The following AGBL4 variants were observed in gnomAD, a reference collection of about 807,000 sequenced individuals.
The protein encoded by AGBL4 is cytosolic carboxypeptidase 6.
Under a neutral mutation model 66.4 loss-of-function variants are expected in AGBL4, and 58 were observed. That is an observed-to-expected ratio of 0.87 (90% CI 0.71 to 1.09). The LOEUF (loss-of-function observed/expected upper bound fraction) is 1.09, where lower values mean the gene tolerates loss of function less well. Ranked by LOEUF, AGBL4 falls within the 50% of genes least tolerant of loss-of-function variation. The probability of loss-of-function intolerance (pLI) is 0.00; values close to 1 mark genes in which losing one functional copy is unlikely to be tolerated. For missense variants in AGBL4, 579 were observed against 631.0 expected, an observed-to-expected ratio of 0.92 and a Z score of 0.88; for synonymous variants, 234 against 222.9, an observed-to-expected ratio of 1.05 and a Z score of -0.44.
chr1:49,851,087 T>C (rs1557512492), intron 2 of AGBL4, among the ~76,000 whole-genome samples: 1 of 152,142 alleles, frequency 6.6e-6, no homozygotes, highest in African/African-American at 2.4e-5. Flanking sequence ...TAAATCGTAA[T>C]TGATAATACA....
intron 1 of AGBL4, among the ~76,000 whole-genome samples, chr1:49,879,434 G>A (rs1358085015): frequency 6.7e-6 from 1 of 148,162 alleles, no homozygotes; most frequent in Non-Finnish European, 1.5e-5. Flanking sequence ...TAGTTTGGCT[G>A]GATATGAAAT....
At chr1:48,605,203 T>C (rs960086976) in intron 9 of AGBL4, among the ~76,000 whole-genome samples, 1 of 152,236 alleles carries the variant, frequency 6.6e-6, no homozygotes, top group Admixed American at 6.5e-5. Context: ...TTGATTCCTT[T>C]ATCTTTGGGT....
At chr1:49,674,765 G>A (rs1427684014) in intron 3 of AGBL4, among the ~76,000 whole-genome samples, 1 of 151,990 alleles carries the variant, frequency 6.6e-6, no homozygotes, top group Non-Finnish European at 1.5e-5. Context: ...GTCTTTGAGA[G>A]ATAGAGAGGT....
chr1:48,887,547 C>A (rs1367082596), intron 5 of AGBL4, among the ~76,000 whole-genome samples: 2 of 152,154 alleles, frequency 1.3e-5, no homozygotes, highest in Non-Finnish European at 2.9e-5. Flanking sequence ...GCATTATAAA[C>A]CCCCTTTTAT....
chr1:49,675,662 T>C (rs184481568), intron 3 of AGBL4, among the ~76,000 whole-genome samples: 27 of 152,194 alleles, frequency 1.8e-4, no homozygotes, highest in African/African-American at 5.5e-4. Flanking sequence ...AAAGCCATCT[T>C]AGTTGCCTTG....
chr1:49,717,633 A>G (rs997575858), intron 2 of AGBL4, among the ~76,000 whole-genome samples: 8 of 152,052 alleles, frequency 5.3e-5, no homozygotes, highest in Admixed American at 2.6e-4. Context: ...TATATTATTA[A>G]AATTACTTAT....
At position 49,842,692 on chromosome 1, in the gene AGBL4, G is replaced by A. The variant is rs1557503342; in HGVS notation, c.157+8704C>T. Among the ~76,000 whole-genome samples, 3 of 152,256 alleles carry A rather than the reference G, an allele frequency of 2.0e-5. No individual in the cohort carries two copies. The South Asian group carries it at 6.2e-4, about 32-fold the overall frequency. On this transcript the variant is annotated intron_variant, in intron 2 of 13. Transcript: ENST00000371839. ...TGGATGATTACAGATTGTGATGAAT[G>A]CTGAGAAAATGAAAATGAGTGATGA...
intron 5 of AGBL4, among the ~76,000 whole-genome samples, chr1:48,913,681 T>G (rs1192323612): frequency 6.6e-6 from 1 of 152,190 alleles, no homozygotes; most frequent in Non-Finnish European, 1.5e-5. Context: ...CTAATTATTA[T>G]GGTAAGTTGT....
At chr1:49,772,586 AG>A in intron 2 of AGBL4, among the ~76,000 whole-genome samples, 1 of 152,220 alleles carries the variant, frequency 6.6e-6, no homozygotes, top group African/African-American at 2.4e-5. Flanking sequence ...TTGTCTGGGA[AG>A]GTCTTTAGTT....
chr1:49,583,527 C>G (rs1057319079), intron 3 of AGBL4, among the ~76,000 whole-genome samples: 11 of 152,104 alleles, frequency 7.2e-5, no homozygotes, highest in African/African-American at 2.7e-4. Flanking sequence ...ATATGGGGCC[C>G]CCTGCTTGGG....
At chr1:49,433,140 A>G (rs1397647690) in intron 3 of AGBL4, among the ~76,000 whole-genome samples, 1 of 152,096 alleles carries the variant, frequency 6.6e-6, no homozygotes, top group Non-Finnish European at 1.5e-5. Context: ...TCATCTGTAT[A>G]CTTTATAATA....
intron 2 of AGBL4, among the ~76,000 whole-genome samples, chr1:49,701,719 A>G (rs912090322): frequency 1.3e-5 from 2 of 152,170 alleles, no homozygotes; most frequent in Non-Finnish European, 2.9e-5. Context: ...AGTGATCAAC[A>G]AAAGTGACAA....
intron 3 of AGBL4, among the ~76,000 whole-genome samples, chr1:49,501,784 C>T (rs1198502586): frequency 6.6e-6 from 1 of 151,674 alleles, no homozygotes; most frequent in East Asian, 1.9e-4. Flanking sequence ...TGCTACATTC[C>T]CATAAATTTT....
chr1:48,683,580 A>G (rs888961823), intron 6 of AGBL4, among the ~76,000 whole-genome samples: 64 of 152,018 alleles, frequency 4.2e-4, no homozygotes, highest in African/African-American at 1.5e-3. Flanking sequence ...TTCAAAAAAA[A>G]TCTCTTTCCA....
intron 11 of AGBL4, among the ~76,000 whole-genome samples, chr1:48,576,311 A>C (rs1297286677): frequency 6.6e-6 from 1 of 152,216 alleles, no homozygotes; most frequent in Non-Finnish European, 1.5e-5. Context: ...GAGGTGGAAC[A>C]GTTTCATCCT....
At chr1:49,631,937 C>A (rs1645577617) in intron 3 of AGBL4, among the ~76,000 whole-genome samples, 1 of 152,172 alleles carries the variant, frequency 6.6e-6, no homozygotes, top group Admixed American at 6.5e-5. Flanking sequence ...GGATGTATGG[C>A]CTCAGGACGA....
At chr1:50,019,306 T>TCACACACACACA (rs35648756) in intron 1 of AGBL4, among the ~76,000 whole-genome samples, 1,696 of 48,392 alleles carry the variant, frequency 0.035, 77 homozygotes, top group South Asian at 0.069. Context: ...TCTCTCTCTC[T>TCACACACACACA]CACACACACA....
At chr1:49,335,760 C>T (rs1645425137) in intron 3 of AGBL4, among the ~76,000 whole-genome samples, 1 of 152,108 alleles carries the variant, frequency 6.6e-6, no homozygotes, top group Non-Finnish European at 1.5e-5. Flanking sequence ...TGTGATCCGC[C>T]CACCTTGGCC....
At chr1:49,162,705 T>C (rs1207869674) in intron 4 of AGBL4, among the ~76,000 whole-genome samples, 3 of 152,220 alleles carry the variant, frequency 2.0e-5, no homozygotes, top group Admixed American at 2.0e-4. Flanking sequence ...ATTATAGCTC[T>C]GTCATTTACT....
Sources: allele counts gnomAD v4.1 joint callset (sites outside exome capture counted in the v4.1 genomes callset), GRCh38; gene constraint gnomAD v4.1.1; transcripts MANE v1.5; gene names NCBI Gene and HGNC (gene_info 2026-07-23, HGNC 2026-07-21).